TMEM74: variants seen among roughly 807,000 people sequenced by gnomAD.
TMEM74 encodes the protein transmembrane protein 74.
A neutral mutation model predicts 18.1 loss-of-function variants in TMEM74; 13 were observed. The ratio of observed to expected loss-of-function variants is 0.72; its 90% CI spans 0.47 to 1.14. TMEM74 has a LOEUF of 1.14. Ranked by LOEUF, TMEM74 falls within the 50% of genes most tolerant of loss-of-function variation. The probability of loss-of-function intolerance (pLI) is 0.00; values close to 1 mark genes in which losing one functional copy is unlikely to be tolerated. For missense variants in TMEM74, 372 were observed against 375.9 expected, an observed-to-expected ratio of 0.99 and a Z score of 0.09; for synonymous variants, 159 against 146.6, an observed-to-expected ratio of 1.08 and a Z score of -0.61.
intron 1 of TMEM74, among the ~76,000 whole-genome samples, chr8:108,682,989 G>T (rs573896310): frequency 1.3e-5 from 2 of 151,942 alleles, no homozygotes; most frequent in South Asian, 4.1e-4. Flanking sequence ...CAAGAAAAAA[G>T]ATATAGCTAA....
At chr8:108,621,661 C>G (rs959733577) in intron 2 of TMEM74, among the ~76,000 whole-genome samples, 9 of 152,156 alleles carry the variant, frequency 5.9e-5, no homozygotes, top group Admixed American at 2.6e-4. Context: ...AACATGACAT[C>G]TCTGCTGAGG....
chr8:108,761,789 A>G (rs1814047934), intron 1 of TMEM74, among the ~76,000 whole-genome samples: 1 of 152,164 alleles, frequency 6.6e-6, no homozygotes, highest in Non-Finnish European at 1.5e-5. Flanking sequence ...AAAGCTAGGC[A>G]ATTCCCTTAT....
chr8:108,615,924 C>G (rs1812378536), intron 2 of TMEM74, among the ~76,000 whole-genome samples: 1 of 146,644 alleles, frequency 6.8e-6, no homozygotes, highest in Non-Finnish European at 1.5e-5. Flanking sequence ...ATAGCTGGGA[C>G]TACAGGCACG....
chr8:108,686,202 T>G (rs1026462448), intron 1 of TMEM74, among the ~76,000 whole-genome samples: 1 of 152,112 alleles, frequency 6.6e-6, no homozygotes, highest in Non-Finnish European at 1.5e-5. Flanking sequence ...TATACTTCTT[T>G]TTTTGTTTTG....
At chr8:108,639,155 C>A (rs1812635694) in intron 2 of TMEM74, among the ~76,000 whole-genome samples, 1 of 152,104 alleles carries the variant, frequency 6.6e-6, no homozygotes, top group Non-Finnish European at 1.5e-5. Context: ...CCCAGCCCAT[C>A]TCAGATTGCA....
intron 1 of TMEM74, among the ~76,000 whole-genome samples, chr8:108,678,762 T>G (rs1813082018): frequency 1.3e-5 from 2 of 150,832 alleles, no homozygotes; most frequent in African/African-American, 2.4e-5. Context: ...TTATTATTAT[T>G]ATACTTTAAG....
At chr8:108,631,029 A>G (rs2130552446) in intron 2 of TMEM74, among the ~76,000 whole-genome samples, 1 of 152,104 alleles carries the variant, frequency 6.6e-6, no homozygotes, top group African/African-American at 2.4e-5. Flanking sequence ...AATTCACTTC[A>G]TGTGCACATC....
chr8:108,754,457 G>A (rs893133150), intron 1 of TMEM74, among the ~76,000 whole-genome samples: 8 of 151,932 alleles, frequency 5.3e-5, no homozygotes, highest in African/African-American at 9.7e-5. Flanking sequence ...CAGAAGCTAT[G>A]ACTTCTAGCT....
chr8:108,698,330 T>C (rs998564386), intron 1 of TMEM74, among the ~76,000 whole-genome samples: 11 of 152,194 alleles, frequency 7.2e-5, no homozygotes, highest in Admixed American at 6.5e-4. Context: ...GATAGAAATA[T>C]ATAATCACTG....
chr8:108,699,751 T>C (rs143087594), intron 1 of TMEM74, among the ~76,000 whole-genome samples: 62 of 152,254 alleles, frequency 4.1e-4, no homozygotes, highest in Admixed American at 2.7e-3. Flanking sequence ...GATCCTAAAC[T>C]GTCCTTCTGG....
intron 1 of TMEM74, among the ~76,000 whole-genome samples, chr8:108,716,821 T>TA (rs1417192080): frequency 6.6e-6 from 1 of 151,002 alleles, no homozygotes; most frequent in Admixed American, 6.6e-5. Context: ...ATATATTCAA[T>TA]AAAAAATGGA....
At chr8:108,614,554 G>C (rs944385424) in intron 2 of TMEM74, among the ~76,000 whole-genome samples, 1 of 152,138 alleles carries the variant, frequency 6.6e-6, no homozygotes, top group African/African-American at 2.4e-5. Flanking sequence ...GTAGGAAGAG[G>C]GAGGAGAAAT....
At position 108,629,366 on chromosome 8, in the gene TMEM74, C is replaced by T. The variant is rs139360009; in HGVS notation, n.265-20540G>A. ...ACCAAGCCTATGATTGATTGGTATA[C>T]CTGAAAGTGACAGGGAGAATGGAAC... On this transcript the variant is annotated intron_variant and non_coding_transcript_variant, in intron 2 of 3. Transcript: ENST00000518838. Among the ~76,000 whole-genome samples, 478 of 152,060 alleles carry T rather than the reference C, an allele frequency of 3.1e-3. 3 individuals are homozygous for T. Among genetic ancestry groups the T allele is most frequent in the African/African-American group, 0.011 (456 of 41,518 alleles).
chr8:108,651,510 G>A (rs72673011), intron 2 of TMEM74, among the ~76,000 whole-genome samples: 4,592 of 152,246 alleles, frequency 0.03, 79 homozygotes, highest in Admixed American at 0.058. Flanking sequence ...AAGATGGAAT[G>A]AATGCCTAGG....
intron 2 of TMEM74, among the ~76,000 whole-genome samples, chr8:108,636,719 C>T (rs575273149): frequency 2.0e-5 from 3 of 151,820 alleles, no homozygotes; most frequent in South Asian, 2.1e-4. Flanking sequence ...TGCCTAGGAT[C>T]GACATTGCCT....
chr8:108,762,805 G>A (rs1385604583), intron 1 of TMEM74, among the ~76,000 whole-genome samples: 1 of 152,096 alleles, frequency 6.6e-6, no homozygotes, highest in Non-Finnish European at 1.5e-5. Context: ...GCTGAGGTGG[G>A]AGAAGCGGGA....
chr8:108,614,140 A>C (rs1235129177), intron 2 of TMEM74, among the ~76,000 whole-genome samples: 2 of 152,036 alleles, frequency 1.3e-5, no homozygotes, highest in Non-Finnish European at 2.9e-5. Context: ...CTATTATGCA[A>C]TGTTATAGAC....
chr8:108,608,307 A>AAAAAAAAG (rs1032389882), intron 3 of TMEM74, among the ~76,000 whole-genome samples: 7 of 147,836 alleles, frequency 4.7e-5, no homozygotes, highest in African/African-American at 1.2e-4. Flanking sequence ...TCAAAAAAAA[A>AAAAAAAAG]AAAAAAAGAA....
chr8:108,708,147 T>C (rs1164305808), intron 1 of TMEM74, among the ~76,000 whole-genome samples: 1 of 152,210 alleles, frequency 6.6e-6, no homozygotes, highest in East Asian at 1.9e-4. Context: ...TGTTCCTGTG[T>C]TAGGTCGCTT....
Sources: gnomAD v4.1 joint callset for allele counts (sites outside exome capture counted in the v4.1 genomes callset) on GRCh38, gnomAD v4.1.1 for gene constraint, MANE v1.5 for transcripts, NCBI Gene and HGNC (gene_info 2026-07-23, HGNC 2026-07-21) for gene names.